The following CTDP1 variants were observed in gnomAD, a reference collection of about 807,000 sequenced individuals.
The protein encoded by CTDP1 is RNA polymerase II subunit A C-terminal domain phosphatase.
Under a neutral mutation model 91.8 loss-of-function variants are expected in CTDP1, and 47 were observed. The observed-to-expected ratio is 0.51, with a 90% CI of 0.41 to 0.65. The LOEUF (loss-of-function observed/expected upper bound fraction) is 0.65, where lower values mean the gene tolerates loss of function less well. CTDP1 is among the 30% of genes least tolerant of loss of function. CTDP1 has a pLI of 0.00. For missense variants in CTDP1, 1,272 were observed against 1,373.7 expected, an observed-to-expected ratio of 0.93 and a Z score of 1.17; for synonymous variants, 656 against 598.5, an observed-to-expected ratio of 1.10 and a Z score of -1.40.
chr18:79,712,628 A>T (rs1298488447), intron 6 of CTDP1, among the ~76,000 whole-genome samples: 1 of 152,168 alleles, frequency 6.6e-6, no homozygotes, highest in Admixed American at 6.5e-5. Flanking sequence ...TAGGCTACCC[A>T]GCCTTGTTTG....
rs142525132 is a variant in CTDP1, at chr18:79,717,816, C to T, written c.2217C>T (p.Asn739=). The T allele has an allele frequency of 4.6e-5, 74 of 1,613,666 alleles. No homozygotes were observed. The highest frequency in any genetic ancestry group is 6.7e-5 in the Admixed American group (4 of 60,008). ...RDDHTKAQRE[N]SPAAFPDREG... ...CGTTCTCTTCCTCCGACAGGGAGAA[C>T]AGCCCTGCGGCCTTTCCCGACCGGG... The change falls in exon 10 of 13, where the codon AAC becomes AAT. Residue 739 remains asparagine, a synonymous_variant. Transcript: ENST00000613122.
intron 12 of CTDP1, among the ~76,000 whole-genome samples, chr18:79,748,829 G>A (rs957372352): frequency 6.6e-6 from 1 of 151,998 alleles, no homozygotes; most frequent in Admixed American, 6.6e-5. Flanking sequence ...CTGCCTGGGA[G>A]CCGTGACTGC....
chr18:79,697,819 A>G (rs1252252655), intron 3 of CTDP1, 41 bp from the exon 4 acceptor site: 1 of 1,613,884 alleles, frequency 6.2e-7, no homozygotes, highest in Admixed American at 1.7e-5. Context: ...TTGGATGCAA[A>G]CATACTGACT....
At chr18:79,736,110 A>G (rs1041247756) in intron 11 of CTDP1, 6 of 582,484 alleles carry the variant, frequency 1.0e-5, no homozygotes, top group Non-Finnish European at 1.9e-5. Context: ...GACAGAAGGA[A>G]TTTAAACCCA....
intron 8 of CTDP1, among the ~76,000 whole-genome samples, chr18:79,716,849 C>T (rs1478506432): frequency 6.6e-6 from 1 of 152,282 alleles, no homozygotes; most frequent in African/African-American, 2.4e-5. Flanking sequence ...AGAGGTCCTC[C>T]TGCTGCTCAG....
At chr18:79,695,200 T>G (rs2085721850) in intron 1 of CTDP1, 25 bp from the exon 2 acceptor site, 3 of 1,609,224 alleles carry the variant, frequency 1.9e-6, no homozygotes, top group Non-Finnish European at 1.7e-6. Flanking sequence ...TTTTAAAGTG[T>G]TGTTCCCCTT....
At chr18:79,716,169 C>T (rs984607637) in intron 8 of CTDP1, among the ~76,000 whole-genome samples, 2 of 152,176 alleles carry the variant, frequency 1.3e-5, no homozygotes, top group Admixed American at 6.5e-5. Context: ...CTGGATTTTC[C>T]GCGAATGAAG....
intron 4 of CTDP1, among the ~76,000 whole-genome samples, chr18:79,698,199 G>A (rs2085786466): frequency 6.6e-6 from 1 of 152,260 alleles, no homozygotes; most frequent in African/African-American, 2.4e-5. Flanking sequence ...GACGCCCACT[G>A]TGTCTCACGC....
intron 12 of CTDP1, among the ~76,000 whole-genome samples, chr18:79,740,192 G>A (rs887208136): frequency 1.3e-5 from 2 of 150,986 alleles, no homozygotes; most frequent in Admixed American, 6.6e-5. Context: ...TCATACCCAC[G>A]GCCGGGACGG....
intron 1 of CTDP1, among the ~76,000 whole-genome samples, chr18:79,684,270 G>C (rs73007492): frequency 0.12 from 18,022 of 152,290 alleles, 1,470 homozygotes; most frequent in Non-Finnish European, 0.18. Flanking sequence ...CGCTGCTCCA[G>C]AGCGTAGATT....
chr18:79,719,945 G>A (rs1330997685), intron 10 of CTDP1, among the ~76,000 whole-genome samples: 4 of 147,548 alleles, frequency 2.7e-5, no homozygotes, highest in Admixed American at 1.3e-4. Flanking sequence ...CCATCATTAG[G>A]AAGGCATCCT....
chr18:79,736,941 G>A (rs1369333469), intron 12 of CTDP1, among the ~76,000 whole-genome samples: 2 of 152,096 alleles, frequency 1.3e-5, no homozygotes, highest in Non-Finnish European at 2.9e-5. Context: ...GGCATGTACG[G>A]GGTCTGTATG....
At chr18:79,718,943 C>G (rs995145457) in intron 10 of CTDP1, among the ~76,000 whole-genome samples, 3 of 152,160 alleles carry the variant, frequency 2.0e-5, no homozygotes, top group Admixed American at 6.5e-5. Context: ...GCTTGATGTC[C>G]TTTTCGAGCC....
chr18:79,744,986 C>T (rs1487749392), intron 12 of CTDP1, among the ~76,000 whole-genome samples: 3 of 152,278 alleles, frequency 2.0e-5, no homozygotes, highest in African/African-American at 7.2e-5. Context: ...GTGTCCATCC[C>T]AGAACAGCCC....
chr18:79,717,456 C>G, intron 8 of CTDP1, 79 bp from the exon 9 acceptor site: 4 of 1,595,052 alleles, frequency 2.5e-6, no homozygotes, highest in Non-Finnish European at 3.4e-6. Flanking sequence ...AGGTGAGGGC[C>G]CTGGTGGGTG....
At position 79,686,653 on chromosome 18, in the gene CTDP1, G is replaced by A. The variant is rs148602169; in HGVS notation, c.314+6392G>A. Among the ~76,000 whole-genome samples, 21 of 152,352 alleles carry A rather than the reference G, an allele frequency of 1.4e-4. No homozygotes were observed. In the East Asian group the frequency reaches 1.9e-3, roughly 14 times the overall value. On this transcript the variant is annotated intron_variant, in intron 1 of 12. Coordinates refer to ENST00000613122, the MANE Select transcript of CTDP1 (RefSeq NM_004715.5). Reference sequence around the variant, plus strand: ...GTTTAAAAGACAGTAATTTCCCTACGGTGCTTTAAATGGTGAAGAATGCTG... The same window carrying A: ...GTTTAAAAGACAGTAATTTCCCTACAGTGCTTTAAATGGTGAAGAATGCTG...
chr18:79,679,844 G>A lies in CTDP1; in HGVS notation c.-104G>A, dbSNP rs56006341. The A allele has an allele frequency of 9.9e-6, 11 of 1,114,060 alleles. No individual in the cohort carries two copies. The highest frequency in any genetic ancestry group is 1.6e-5 in the African/African-American group (1 of 60,924). The allele number at this position is 1,114,060 out of a possible 1,614,324, so 69.0% of individuals were successfully genotyped here. A position where few individuals can be genotyped will look rare whatever the true frequency, so the allele number is the denominator to read the frequency against. ...GGCGACGGGTGGAAGCCGGTACCGA[G>A]AGGAACTACAGCGTCGCCGCCTGGG... On this transcript the variant is annotated 5_prime_UTR_variant, in exon 1 of 13. Coordinates refer to ENST00000613122, the MANE Select transcript of CTDP1 (RefSeq NM_004715.5).
chr18:79,693,181 T>C (rs963519477), intron 1 of CTDP1, among the ~76,000 whole-genome samples: 27 of 152,052 alleles, frequency 1.8e-4, no homozygotes, highest in African/African-American at 5.1e-4. Context: ...CTGTGAAGCC[T>C]GGCAGTGTCT....
intron 1 of CTDP1, among the ~76,000 whole-genome samples, chr18:79,691,233 C>T (rs1413049843): frequency 2.0e-5 from 3 of 152,218 alleles, no homozygotes; most frequent in Non-Finnish European, 4.4e-5. Flanking sequence ...GCAGTGCGCA[C>T]CCGACTCAGC....
Sources: allele counts gnomAD v4.1 joint callset (sites outside exome capture counted in the v4.1 genomes callset), GRCh38; gene constraint gnomAD v4.1.1; transcripts MANE v1.5; gene names NCBI Gene and HGNC (gene_info 2026-07-23, HGNC 2026-07-21).